The following RFTN1 variants were observed in gnomAD, a reference collection of about 807,000 sequenced individuals.
RFTN1 encodes the protein raftlin.
RFTN1 carries 26 observed loss-of-function variants against 46.5 expected under a neutral mutation model. That is an observed-to-expected ratio of 0.56 (90% CI 0.41 to 0.78). The LOEUF (loss-of-function observed/expected upper bound fraction) is 0.78, where lower values mean the gene tolerates loss of function less well. Ranked by LOEUF, RFTN1 falls within the 30% of genes least tolerant of loss-of-function variation. The probability of loss-of-function intolerance (pLI) is 0.00; values close to 1 mark genes in which losing one functional copy is unlikely to be tolerated. For synonymous variants in RFTN1, 261 were observed against 284.2 expected (o/e 0.92, Z 0.82); for missense variants, 693 against 718.7 (o/e 0.96, Z 0.41).
At position 16,483,150 on chromosome 3, in the gene RFTN1, T is replaced by C. The variant is rs1189481773; in HGVS notation, c.145+10575A>G. Among the ~76,000 whole-genome samples, 1 of 152,180 alleles carries C rather than the reference T, an allele frequency of 6.6e-6. No individual in the cohort carries two copies. On this transcript the variant is annotated intron_variant, in intron 2 of 9. Transcript: ENST00000334133. This position sits in a 1 kb window ranked among gnomAD's most constrained non-coding sequence, Gnocchi z 4.8. ...TTATGTTCTAAAACTGCAGGTATCA[T>C]ATTTACAGAGAGGTAATAAATACCT...
chr3:16,435,884 C>T (rs563266829), intron 2 of RFTN1, among the ~76,000 whole-genome samples: 2 of 146,086 alleles, frequency 1.4e-5, no homozygotes, highest in African/African-American at 5.2e-5. Flanking sequence ...TATGTACCCA[C>T]AAAAAGTAAA....
rs2073839667 is a variant in RFTN1, at chr3:16,377,882, GGGCTTTGGTTTC to G, written c.650_661del (p.Arg217_Pro221delinsThr). 1 of 1,614,088 alleles carries G rather than the reference GGGCTTTGGTTTC, an allele frequency of 6.2e-7. No individual in the cohort carries two copies. Among genetic ancestry groups the G allele is most frequent in the Admixed American group, 1.7e-5 (1 of 60,004 alleles). The stretch of plus-strand genomic sequence containing the variant: ...CCCTCTGGGGCCTGAGCTGGGCTCT[GGGCTTTGGTTTC>G]TCCCAGCCGGAGCACTGCACACATC... On this transcript the variant is annotated inframe_deletion, in exon 5 of 10. Coordinates refer to ENST00000334133, the MANE Select transcript of RFTN1 (RefSeq NM_015150.2).
At chr3:16,511,891 A>G (rs2076907722) in intron 1 of RFTN1, among the ~76,000 whole-genome samples, 1 of 152,136 alleles carries the variant, frequency 6.6e-6, no homozygotes, top group Non-Finnish European at 1.5e-5. Flanking sequence ...CCCCATGTCC[A>G]TACAGCCAAA....
At position 16,335,561 on chromosome 3, in the gene RFTN1, GGTGAAAACACAT is replaced by G. The variant is rs1197835222; in HGVS notation, c.1147-8697_1147-8686del. On this transcript the variant is annotated intron_variant, in intron 7 of 9. Coordinates refer to ENST00000334133, the MANE Select transcript of RFTN1 (RefSeq NM_015150.2). This position sits in a 1 kb window ranked among gnomAD's most constrained non-coding sequence, Gnocchi z 4.7. ...TCACTTACAAGTGGGAGAGCTGAAC[GGTGAAAACACAT>G]GTGAAAACACATGGACACATGGTGG... Among the ~76,000 whole-genome samples, 8 of 152,248 alleles carry G rather than the reference GGTGAAAACACAT, an allele frequency of 5.3e-5. No homozygotes were observed. The highest frequency in any genetic ancestry group is 1.3e-4 in the Admixed American group (2 of 15,270).
At chr3:16,435,197 T>C (rs1225719072) in intron 2 of RFTN1, among the ~76,000 whole-genome samples, 1 of 152,210 alleles carries the variant, frequency 6.6e-6, no homozygotes, top group Admixed American at 6.5e-5. Flanking sequence ...CAGGTCTATA[T>C]ATTTCCCTCC....
intron 4 of RFTN1, among the ~76,000 whole-genome samples, chr3:16,391,033 C>T (rs1050885925): frequency 2.6e-5 from 4 of 152,110 alleles, no homozygotes; most frequent in Non-Finnish European, 4.4e-5. Flanking sequence ...ACTGCTTTTG[C>T]TTTTGCCCAA....
In RFTN1 at chr3:16,449,234, A is replaced by G. The variant is rs2075783841; in HGVS notation, c.146-15197T>C. On this transcript the variant is annotated intron_variant, in intron 2 of 9. Coordinates refer to ENST00000334133, the MANE Select transcript of RFTN1 (RefSeq NM_015150.2). This position sits in a 1 kb window ranked among gnomAD's most constrained non-coding sequence, Gnocchi z 5.1. ...TGCAGATCCTATTAGGCAAATAAAG[A>G]ACAGAAATCTGGAATTGAATTATAG... Among the ~76,000 whole-genome samples the G allele has an allele frequency of 6.6e-6, 1 of 152,214 alleles. No individual in the cohort carries two copies. Among genetic ancestry groups the G allele is most frequent in the African/African-American group, 2.4e-5 (1 of 41,456 alleles).
At chr3:16,340,265 G>A (rs575987423) in intron 7 of RFTN1, among the ~76,000 whole-genome samples, 1 of 152,204 alleles carries the variant, frequency 6.6e-6, no homozygotes, top group Non-Finnish European at 1.5e-5. Context: ...GATGCAAACC[G>A]CAGCATGAAA....
rs1283867367 is a variant in RFTN1 at position 16,344,697 on chromosome 3, GAAGA to G, written c.1146+13231_1146+13234del. Reference sequence around the variant, plus strand: ...CACAGGATGGCATCAGAAAGCTCATGAAGACAGACCTCCTCCCAATGAAAGCACA... The same window carrying G: ...CACAGGATGGCATCAGAAAGCTCATGCAGACCTCCTCCCAATGAAAGCACA... On this transcript the variant is annotated intron_variant, in intron 7 of 9. Transcript: ENST00000334133. This position sits in a 1 kb window ranked among gnomAD's most constrained non-coding sequence, Gnocchi z 4.4. Among the ~76,000 whole-genome samples the G allele has an allele frequency of 2.0e-5, 3 of 152,180 alleles. No homozygotes were observed. The highest frequency in any genetic ancestry group is 1.3e-4 in the Admixed American group (2 of 15,280).
At position 16,479,879 on chromosome 3, in the gene RFTN1, T is replaced by C. The variant is rs2076337115; in HGVS notation, c.145+13846A>G. 6.6e-6 allele frequency among the ~76,000 whole-genome samples: 1 copy of C among 152,134 alleles called. No individual in the cohort carries two copies. Among genetic ancestry groups the C allele is most frequent in the Non-Finnish European group, 1.5e-5 (1 of 68,034 alleles). On this transcript the variant is annotated intron_variant, in intron 2 of 9. Transcript: ENST00000334133. The surrounding 1 kb of genome is among the most constrained non-coding windows in gnomAD (Gnocchi z 5.1). Reference sequence around the variant, plus strand: ...GGTGCAGCAGGCCAAAGGCAAATAATGGTAAATCATGGCAGATGCTTCTCC... The same window carrying C: ...GGTGCAGCAGGCCAAAGGCAAATAACGGTAAATCATGGCAGATGCTTCTCC...
At chr3:16,492,873 C>T (rs1279621846) in intron 2 of RFTN1, among the ~76,000 whole-genome samples, 1 of 152,248 alleles carries the variant, frequency 6.6e-6, no homozygotes, top group Non-Finnish European at 1.5e-5. Context: ...ACTCTGCACA[C>T]AGCAGGTGCT....
intron 2 of RFTN1, among the ~76,000 whole-genome samples, chr3:16,492,147 GGGCACC>G (rs2076547527): frequency 6.6e-6 from 1 of 152,186 alleles, no homozygotes; most frequent in Non-Finnish European, 1.5e-5. Context: ...GACCCATCAA[GGGCACC>G]GGAAGGGAGC....
rs866988107 is a variant in RFTN1 at position 16,370,292 on chromosome 3, G to A, written c.827-13C>T. The A allele has an allele frequency of 6.8e-6, 11 of 1,613,244 alleles. No homozygotes were observed. The highest frequency in any genetic ancestry group is 1.6e-4 in the Middle Eastern group (1 of 6,082). ...AAGATCTCCATTTCTGTTGGGATTT[G>A]TAAAGGGAGTGGAGAGAGAAGAGGT... is the stretch of plus-strand genomic sequence containing the variant. On this transcript the variant is annotated splice_polypyrimidine_tract_variant and intron_variant, in intron 5 of 9. Transcript: ENST00000334133. The surrounding 1 kb of genome is among the most constrained non-coding windows in gnomAD (Gnocchi z 5.5).
rs1282575369 is a variant in RFTN1, at chr3:16,410,249, A to G, written c.333-766T>C. On this transcript the variant is annotated intron_variant, in intron 3 of 9. Transcript: ENST00000334133. The surrounding 1 kb of genome is among the most constrained non-coding windows in gnomAD (Gnocchi z 4.6). The stretch of plus-strand genomic sequence containing the variant: ...CACACACACACACACACACACACAC[A>G]CACACACACAAACTCTCACTCCAGT... 8.0e-6 allele frequency among the ~76,000 whole-genome samples: 1 copy of G among 125,430 alleles called. No homozygotes were observed. The highest frequency in any genetic ancestry group is 2.8e-5 in the African/African-American group (1 of 36,336). 82.3% of individuals were successfully genotyped at this position (125,430 alleles called of 152,430 possible). A position where few individuals can be genotyped will look rare whatever the true frequency, so the allele number is the denominator to read the frequency against.
At chr3:16,490,910 A>G (rs1414749940) in intron 2 of RFTN1, among the ~76,000 whole-genome samples, 1 of 152,230 alleles carries the variant, frequency 6.6e-6, no homozygotes, top group Non-Finnish European at 1.5e-5. Flanking sequence ...CATGGTGAGT[A>G]TTCACTCAGC....
chr3:16,353,905 G>GT lies in RFTN1; in HGVS notation c.1146+4026dup, dbSNP rs1407797484. On this transcript the variant is annotated intron_variant, in intron 7 of 9. Transcript: ENST00000334133. This position sits in a 1 kb window ranked among gnomAD's most constrained non-coding sequence, Gnocchi z 5.4. ...CAGAACTGAGAGGAAAGAAATTTCT[G>GT]TCGTTTAATCCGTCTAGTCTGGTAT... 1.3e-5 allele frequency among the ~76,000 whole-genome samples: 2 copies of GT among 152,166 alleles called. No individual in the cohort carries two copies. The highest frequency in any genetic ancestry group is 2.9e-5 in the Non-Finnish European group (2 of 68,024).
In RFTN1 at chr3:16,342,837, CCTGG is replaced by C. The variant is rs1559839561; in HGVS notation, c.1146+15091_1146+15094del. 1.3e-5 allele frequency among the ~76,000 whole-genome samples: 2 copies of C among 152,092 alleles called. No homozygotes were observed. The highest frequency in any genetic ancestry group is 2.9e-5 in the Non-Finnish European group (2 of 68,002). ...GACCTCTAGTCCAGTGGCTGCTAGG[CCTGG>C]CTGAATTTTTTACATGCAGTTCCCT... On this transcript the variant is annotated intron_variant, in intron 7 of 9. Transcript: ENST00000334133. The surrounding 1 kb of genome is among the most constrained non-coding windows in gnomAD (Gnocchi z 4.0).
chr3:16,472,359 C>T (rs2076214253), intron 2 of RFTN1, among the ~76,000 whole-genome samples: 1 of 152,154 alleles, frequency 6.6e-6, no homozygotes, highest in African/African-American at 2.4e-5. Context: ...AAGTATTAAA[C>T]ACTAACTGCA....
At chr3:16,365,884 AG>A (rs2073137455) in intron 6 of RFTN1, among the ~76,000 whole-genome samples, 1 of 152,214 alleles carries the variant, frequency 6.6e-6, no homozygotes, top group Non-Finnish European at 1.5e-5. Context: ...GAAAGAAAAA[AG>A]GGCTCTTCTA....
Sources: gnomAD v4.1 joint callset for allele counts (sites outside exome capture counted in the v4.1 genomes callset) on GRCh38, gnomAD v4.1.1 for gene constraint, Gnocchi (gnomAD v3.1) non-coding constraint, MANE v1.5 for transcripts, NCBI Gene and HGNC (gene_info 2026-07-23, HGNC 2026-07-21) for gene names.